The following TMEM178A variants were observed in gnomAD, a reference collection of about 807,000 sequenced individuals.
The protein encoded by TMEM178A is transmembrane protein 178.
A neutral mutation model predicts 29.1 loss-of-function variants in TMEM178A; 12 were observed. That is an observed-to-expected ratio of 0.41 (90% CI 0.26 to 0.67). The LOEUF is 0.67. TMEM178A is among the 30% of genes least tolerant of loss of function. The probability of loss-of-function intolerance (pLI) is 0.29; values close to 1 mark genes in which losing one functional copy is unlikely to be tolerated. For missense variants in TMEM178A, 366 were observed against 419.1 expected, an observed-to-expected ratio of 0.87 and a Z score of 1.11; for synonymous variants, 210 against 187.2, an observed-to-expected ratio of 1.12 and a Z score of -0.99.
At chr2:39,710,625 G>C (rs1341054272) in intron 3 of TMEM178A, among the ~76,000 whole-genome samples, 1 of 152,178 alleles carries the variant, frequency 6.6e-6, no homozygotes, top group East Asian at 1.9e-4. Context: ...CAAACACTGA[G>C]ACAACCATGT....
upstream of TMEM178A, chr2:39,665,633 G>C (rs1451350719): frequency 1.6e-5 from 4 of 254,294 alleles, no homozygotes; most frequent in Admixed American, 5.6e-5. Context: ...GCGGACTGTG[G>C]ATCGGAGGTA....
intron 1 of TMEM178A, among the ~76,000 whole-genome samples, chr2:39,695,722 T>A (rs543515855): frequency 1.3e-5 from 2 of 151,862 alleles, no homozygotes; most frequent in African/African-American, 4.8e-5. Context: ...AGAGTCTGAA[T>A]TCGATTCAGG....
At chr2:39,710,323 A>G (rs1672249303) in intron 3 of TMEM178A, among the ~76,000 whole-genome samples, 1 of 152,188 alleles carries the variant, frequency 6.6e-6, no homozygotes, top group Admixed American at 6.5e-5. Flanking sequence ...GGTTGCCCAA[A>G]CAACGTTATT....
intron 1 of TMEM178A, among the ~76,000 whole-genome samples, chr2:39,695,681 A>G (rs1340734284): frequency 6.6e-6 from 1 of 151,796 alleles, no homozygotes; most frequent in Non-Finnish European, 1.5e-5. Flanking sequence ...GTGTAAGTGA[A>G]GTTGGAGGTA....
chr2:39,712,196 G>C (rs1334980412), intron 3 of TMEM178A, among the ~76,000 whole-genome samples: 1 of 152,122 alleles, frequency 6.6e-6, no homozygotes, highest in African/African-American at 2.4e-5. Context: ...AAAGAGATCA[G>C]AACGATGGGC....
At chr2:39,671,540 T>C (rs1023339699) in intron 1 of TMEM178A, among the ~76,000 whole-genome samples, 2 of 152,204 alleles carry the variant, frequency 1.3e-5, no homozygotes, top group Admixed American at 6.5e-5. Context: ...GGGGATATGA[T>C]TAAGACTTCG....
intron 3 of TMEM178A, among the ~76,000 whole-genome samples, chr2:39,715,032 C>T (rs952952767): frequency 2.0e-5 from 3 of 152,168 alleles, no homozygotes; most frequent in African/African-American, 7.2e-5. Context: ...GAAACCAAGG[C>T]TCAGAGAGGT....
the TMEM178A span, among the ~76,000 whole-genome samples, chr2:39,724,987 G>A: frequency 6.6e-6 from 1 of 152,200 alleles, no homozygotes; most frequent in Non-Finnish European, 1.5e-5. Flanking sequence ...AACTGTGAAA[G>A]GTAATCTGGG....
Position 39,696,594 on chromosome 2 carries a change from T to C in TMEM178A, c.401-7487T>C, listed in dbSNP as rs1671551933. 5.9e-5 allele frequency among the ~76,000 whole-genome samples: 9 copies of C among 152,286 alleles called. No individual in the cohort carries two copies. The South Asian group carries it at 1.9e-3, about 32-fold the overall frequency. On this transcript the variant is annotated intron_variant, in intron 1 of 3. Transcript: ENST00000281961. ...TTTGCCACAAGTCACACAACTAGGA[T>C]TCAAACCCAAGTCTGTCTGACCGCA...
chr2:39,716,388 A>G (rs771403925), intron 3 of TMEM178A, among the ~76,000 whole-genome samples: 2 of 152,176 alleles, frequency 1.3e-5, no homozygotes, highest in African/African-American at 4.8e-5. Context: ...TGTCACTCCA[A>G]TTGCCTCCAT....
intron 1 of TMEM178A, among the ~76,000 whole-genome samples, chr2:39,699,854 T>C (rs1397174178): frequency 6.6e-6 from 1 of 152,234 alleles, no homozygotes; most frequent in Non-Finnish European, 1.5e-5. Context: ...AATTTTGTTT[T>C]TATTAATTTC....
intron 3 of TMEM178A, among the ~76,000 whole-genome samples, chr2:39,710,681 G>C (rs2148113307): frequency 1.3e-5 from 2 of 152,310 alleles, no homozygotes; most frequent in Admixed American, 1.3e-4. Flanking sequence ...TTCACATGCA[G>C]TAGGAGATGA....
intron 1 of TMEM178A, among the ~76,000 whole-genome samples, chr2:39,686,687 TG>T (rs905404486): frequency 1.2e-3 from 63 of 50,774 alleles, no homozygotes; most frequent in Middle Eastern, 0.013. Flanking sequence ...GGGGAGAAGA[TG>T]GGGGGGCGGA....
At chr2:39,722,726 G>C (rs1672727973), downstream of TMEM178A, among the ~76,000 whole-genome samples, 2 of 152,036 alleles carry the variant, frequency 1.3e-5, no homozygotes, top group African/African-American at 4.8e-5. Context: ...CCCTTTTTTG[G>C]AGCTCACTAA....
intron 1 of TMEM178A, among the ~76,000 whole-genome samples, chr2:39,681,671 A>C (rs957732355): frequency 1.3e-5 from 2 of 152,232 alleles, no homozygotes; most frequent in African/African-American, 4.8e-5. Flanking sequence ...GAGTCTTACA[A>C]AATCCATGGG....
Position 39,707,074 on chromosome 2 carries a change from C to T in TMEM178A, c.540C>T (p.Phe180=), listed in dbSNP as rs749611680. The stretch of plus-strand genomic sequence containing the variant: ...ATTTAAGAAGAATCACTGCTGGCTT[C>T]CTCGGCATGGCCGTAGCCGTCCTTC... The part of the protein sequence containing the change: ...LLHLRRITAG[F]LGMAVAVLLC... Residue 180 remains phenylalanine (F), a synonymous_variant, in exon 3 of 4, where the codon TTC becomes TTT. Transcript: ENST00000281961. 4 of 1,611,988 alleles carry T rather than the reference C, an allele frequency of 2.5e-6. No individual in the cohort carries two copies. Among genetic ancestry groups the T allele is most frequent in the Non-Finnish European group, 3.4e-6 (4 of 1,179,462 alleles).
intron 1 of TMEM178A, among the ~76,000 whole-genome samples, chr2:39,670,418 CA>C (rs1670363831): frequency 6.6e-6 from 1 of 152,154 alleles, no homozygotes; most frequent in African/African-American, 2.4e-5. Context: ...GAGTTTATTT[CA>C]AGTAGTGGAG....
intron 1 of TMEM178A, among the ~76,000 whole-genome samples, chr2:39,676,764 C>T (rs1670643948): frequency 6.6e-6 from 1 of 152,186 alleles, no homozygotes; most frequent in Non-Finnish European, 1.5e-5. Context: ...GTTCAGGCGG[C>T]AGTCCCATCC....
At chr2:39,692,979 T>C (rs926666733) in intron 1 of TMEM178A, among the ~76,000 whole-genome samples, 9 of 152,178 alleles carry the variant, frequency 5.9e-5, no homozygotes, top group African/African-American at 2.2e-4. Flanking sequence ...GTTACATTCA[T>C]TGATGTTCAC....
Sources: gnomAD v4.1 joint callset for allele counts (sites outside exome capture counted in the v4.1 genomes callset) on GRCh38, gnomAD v4.1.1 for gene constraint, MANE v1.5 for transcripts, NCBI Gene and HGNC (gene_info 2026-07-23, HGNC 2026-07-21) for gene names.